Variants in STARD9 observed in about 807,000 individuals in gnomAD.
STARD9 encodes the protein stAR-related lipid transfer protein 9.
A neutral mutation model predicts 399.8 loss-of-function variants in STARD9; 346 were observed. The ratio of observed to expected loss-of-function variants is 0.87; its 90% CI spans 0.79 to 0.95. The LOEUF (loss-of-function observed/expected upper bound fraction) is 0.95. Among genes scored for constraint, STARD9 ranks in the 40% least tolerant of loss-of-function variants. STARD9 has a pLI of 0.00. For synonymous variants in STARD9, 2,203 were observed against 2,143.5 expected (o/e 1.03, Z -0.77); for missense variants, 5,832 against 5,667.5 (o/e 1.03, Z -0.93).
At position 42,685,775 on chromosome 15, in the gene STARD9, C is replaced by T; in HGVS notation, c.4197C>T (p.His1399=). 2 of 1,537,324 alleles carry T rather than the reference C, an allele frequency of 1.3e-6. No homozygotes were observed. The highest frequency in any genetic ancestry group is 8.7e-7 in the Non-Finnish European group (1 of 1,146,928). Residue 1399 remains histidine (H), a synonymous_variant, in exon 23 of 33, where the codon CAC becomes CAT. Coordinates refer to ENST00000290607, the MANE Select transcript of STARD9 (RefSeq NM_020759.3). ...ETVLPYSSKL[H]QGSTELLCSA... ...TTCTGCCATATAGCTCCAAACTGCA[C>T]CAAGGCAGTACTGAGCTCCTCTGCA...
intron 21 of STARD9, 140 bp downstream of exon 21, chr15:42,681,752 G>T: frequency 1.3e-6 from 1 of 780,398 alleles, no homozygotes; most frequent in Non-Finnish European, 2.0e-6. Flanking sequence ...TTTTCTTTTA[G>T]ACACCAGAGA....
intron 1 of STARD9, among the ~76,000 whole-genome samples, chr15:42,577,652 A>G (rs2058085601): frequency 6.6e-6 from 1 of 152,220 alleles, no homozygotes; most frequent in Admixed American, 6.5e-5. Flanking sequence ...CCAGGTGTGA[A>G]CAGATTGTAG....
At chr15:42,636,226 G>A (rs1380841444) in intron 4 of STARD9, among the ~76,000 whole-genome samples, 1 of 152,060 alleles carries the variant, frequency 6.6e-6, no homozygotes, top group Non-Finnish European at 1.5e-5. Context: ...AGCCTGGGAG[G>A]TTGAGGCTGC....
chr15:42,634,108 A>C (rs1162466021), intron 3 of STARD9, among the ~76,000 whole-genome samples: 1 of 152,060 alleles, frequency 6.6e-6, no homozygotes, highest in Non-Finnish European at 1.5e-5. Flanking sequence ...ACAAAGGGTA[A>C]ATATCCGCTG....
chr15:42,659,653 G>C (rs1294066959), intron 9 of STARD9, among the ~76,000 whole-genome samples: 1 of 152,154 alleles, frequency 6.6e-6, no homozygotes, highest in Non-Finnish European at 1.5e-5. Flanking sequence ...AGCCTCCTGA[G>C]TAGCTGGGAC....
At position 42,628,309 on chromosome 15, in the gene STARD9, C is replaced by T. The variant is rs60051108; in HGVS notation, c.235-6547C>T. On this transcript the variant is annotated intron_variant, in intron 3 of 32. Coordinates refer to ENST00000290607, the MANE Select transcript of STARD9 (RefSeq NM_020759.3). The stretch of plus-strand genomic sequence containing the variant: ...ATTTTTTATTGATTTTTTTGCATTC[C>T]TTATGTATTCTGGTTATTAATCCTT... Among the ~76,000 whole-genome samples, 1,191 of 151,780 alleles carry T rather than the reference C, an allele frequency of 7.8e-3. 35 individuals are homozygous for T. Among genetic ancestry groups the T allele is most frequent in the Admixed American group, 0.057 (864 of 15,234 alleles).
rs2140269095 is a variant in STARD9 at position 42,689,817 on chromosome 15, C to T, written c.8239C>T (p.Gln2747Ter). 2 of 1,537,230 alleles carry T rather than the reference C, an allele frequency of 1.3e-6. No individual in the cohort carries two copies. The highest frequency in any genetic ancestry group is 2.7e-5 in the African/African-American group (2 of 73,154). The change falls in exon 23 of 33, where the codon CAG (glutamine) becomes TAG (stop). Residue 2747 changes from glutamine (Q) to a stop codon, truncating the protein, a stop_gained. Coordinates refer to ENST00000290607, the MANE Select transcript of STARD9 (RefSeq NM_020759.3). LOFTEE classifies it high-confidence loss of function. ...GAAGGTAGTGGCTGCCTTACCTTCT[C>T]AGGCCCCTTATGATGATCCTAGAGT... The part of the protein sequence containing the change: ...SKKVVAALPS[Q>*]APYDDPRVTL...
chr15:42,620,282 G>T (rs1377324107), intron 3 of STARD9, among the ~76,000 whole-genome samples: 2 of 151,576 alleles, frequency 1.3e-5, no homozygotes, highest in African/African-American at 4.9e-5. Flanking sequence ...GCAGTTATAA[G>T]TAGATTTTTT....
intron 26 of STARD9, among the ~76,000 whole-genome samples, chr15:42,704,779 C>T (rs765222756): frequency 1.1e-4 from 17 of 152,196 alleles, no homozygotes; most frequent in Non-Finnish European, 2.5e-4. Flanking sequence ...ATAATTCGGT[C>T]TCCTTCCCTA....
intron 26 of STARD9, among the ~76,000 whole-genome samples, chr15:42,706,630 A>G (rs2061091948): frequency 6.6e-6 from 1 of 151,992 alleles, no homozygotes; most frequent in South Asian, 2.1e-4. Context: ...TTGTATTTTT[A>G]GTAGAGATTG....
At chr15:42,677,271 GA>G (rs1450667448) in intron 20 of STARD9, among the ~76,000 whole-genome samples, 1 of 152,034 alleles carries the variant, frequency 6.6e-6, no homozygotes, top group Admixed American at 6.5e-5. Context: ...CTCAAAAAAA[GA>G]AAAACAAACA....
chr15:42,707,836 AT>A (rs2061123363), intron 26 of STARD9, among the ~76,000 whole-genome samples: 1 of 152,138 alleles, frequency 6.6e-6, no homozygotes, highest in South Asian at 2.1e-4. Flanking sequence ...CTCTAAGCAC[AT>A]CAGAATGATT....
intron 1 of STARD9, 126 bp downstream of exon 1, chr15:42,575,888 G>A: frequency 9.4e-7 from 1 of 1,063,772 alleles, no homozygotes; most frequent in Non-Finnish European, 1.4e-6. Context: ...GGGGGTCGGG[G>A]TCCGGAATCC....
At chr15:42,610,037 A>G (rs545952266) in intron 3 of STARD9, among the ~76,000 whole-genome samples, 1 of 152,216 alleles carries the variant, frequency 6.6e-6, no homozygotes, top group African/African-American at 2.4e-5. Context: ...AGGTTGCAGT[A>G]AGCTTAGATC....
intron 16 of STARD9, chr15:42,673,944 T>A (rs745538293): frequency 6.6e-6 from 3 of 456,428 alleles, no homozygotes; most frequent in Non-Finnish European, 1.3e-5. Flanking sequence ...TCTGTTAAAC[T>A]TCATCTGCGG....
At chr15:42,717,560 C>T (rs1221401240) in intron 28 of STARD9, among the ~76,000 whole-genome samples, 171 bp from the exon 29 acceptor site, 11 of 151,878 alleles carry the variant, frequency 7.2e-5, no homozygotes, top group Non-Finnish European at 1.5e-4. Context: ...AGGAGGTTAA[C>T]GCTGCAGTGA....
At chr15:42,679,920 C>T (rs1471276619) in intron 20 of STARD9, among the ~76,000 whole-genome samples, 1 of 152,130 alleles carries the variant, frequency 6.6e-6, no homozygotes, top group Non-Finnish European at 1.5e-5. Context: ...GGTTCCCTTA[C>T]AGCGTATGGG....
Position 42,651,065 on chromosome 15 carries a change from G to T in STARD9, c.609G>T (p.Leu203Phe). Residue 203 changes from leucine (L) to phenylalanine (F), a missense_variant, in exon 8 of 33, where the codon TTG (leucine) becomes TTT (phenylalanine). Transcript: ENST00000290607. ...ATTATAAGCAAGTAATCCAACTCTT[G>T]GAGGAGGGAATTGCAAACAGGTAAC... The part of the protein sequence containing the change: ...VTNYKQVIQL[L>F]EEGIANRITA... 6.5e-7 allele frequency: 1 copy of T among 1,534,536 alleles called. No homozygotes were observed. The highest frequency in any genetic ancestry group is 8.7e-7 in the Non-Finnish European group (1 of 1,145,022).
At position 42,720,472 on chromosome 15, in the gene STARD9, C is replaced by T. The variant is rs1205587819; in HGVS notation, c.*898C>T. ...AGGTGAGTGGCTTGTTGGGAGGAAG[C>T]TCAGTTCCAGAACTTACCTCAGTGC... On this transcript the variant is annotated 3_prime_UTR_variant, in exon 33 of 33. Coordinates refer to ENST00000290607, the MANE Select transcript of STARD9 (RefSeq NM_020759.3). 1 of 152,306 alleles carries T rather than the reference C, an allele frequency of 6.6e-6. No individual in the cohort carries two copies. The allele number at this position is 152,306 out of a possible 1,614,324, so 9.4% of individuals were successfully genotyped here.
Sources: gnomAD v4.1 joint callset for allele counts (sites outside exome capture counted in the v4.1 genomes callset) on GRCh38, gnomAD v4.1.1 for gene constraint, MANE v1.5 for transcripts, NCBI Gene and HGNC (gene_info 2026-07-23, HGNC 2026-07-21) for gene names.